Variants in TMEM38B observed in about 807,000 individuals in gnomAD.
TMEM38B encodes trimeric intracellular cation channel type B.
In TMEM38B, 24 loss-of-function variants were observed where a neutral mutation model predicts 28.7. The observed-to-expected ratio is 0.84, with a 90% CI of 0.61 to 1.18. TMEM38B has a LOEUF of 1.18. TMEM38B is among the 50% of genes most tolerant of loss of function. The pLI, the probability that TMEM38B is intolerant of heterozygous loss-of-function variation, is 0.00. For missense variants in TMEM38B, 380 were observed against 350.9 expected (o/e 1.08, Z -0.66); for synonymous variants, 131 against 127.7 (o/e 1.03, Z -0.17).
intron 4 of TMEM38B, among the ~76,000 whole-genome samples, chr9:105,727,664 C>T (rs1451895992): frequency 6.6e-6 from 1 of 152,118 alleles, no homozygotes; most frequent in Non-Finnish European, 1.5e-5. Flanking sequence ...GATGCTCAAC[C>T]TGTATATATC....
intron 4 of TMEM38B, among the ~76,000 whole-genome samples, chr9:105,747,595 T>TA (rs1409992552): frequency 6.6e-6 from 1 of 152,200 alleles, no homozygotes; most frequent in Non-Finnish European, 1.5e-5. Context: ...GCTTTGATCT[T>TA]AGTTATTTCT....
intron 1 of TMEM38B, among the ~76,000 whole-genome samples, chr9:105,703,617 C>T (rs957184470): frequency 2.6e-5 from 4 of 152,080 alleles, no homozygotes; most frequent in Non-Finnish European, 5.9e-5. Flanking sequence ...CCTGAGTAAT[C>T]GCCACACTGA....
intron 2 of TMEM38B, among the ~76,000 whole-genome samples, chr9:105,717,556 A>G (rs1192326554): frequency 6.6e-6 from 1 of 152,214 alleles, no homozygotes; most frequent in Non-Finnish European, 1.5e-5. Context: ...CACAATAAGA[A>G]TAAATCTCAG....
chr9:105,696,409 C>T (rs1835290647), intron 1 of TMEM38B, among the ~76,000 whole-genome samples: 1 of 152,146 alleles, frequency 6.6e-6, no homozygotes, highest in Non-Finnish European at 1.5e-5. Flanking sequence ...CTGCCTCAGC[C>T]TCCGGAGTAG....
intron 5 of TMEM38B, among the ~76,000 whole-genome samples, chr9:105,769,437 T>A (rs980323479): frequency 1.3e-5 from 2 of 152,194 alleles, no homozygotes; most frequent in African/African-American, 4.8e-5. Flanking sequence ...CACCTCAGCC[T>A]CCTGAGTAGT....
intron 4 of TMEM38B, 33 bp downstream of exon 4, chr9:105,722,654 T>C: frequency 1.3e-6 from 2 of 1,549,340 alleles, no homozygotes; most frequent in Non-Finnish European, 1.8e-6. Flanking sequence ...GAGACCTAGA[T>C]GTTTATCCTT....
chr9:105,695,922 AAG>A (rs1392528997), intron 1 of TMEM38B, among the ~76,000 whole-genome samples: 1 of 152,226 alleles, frequency 6.6e-6, no homozygotes, highest in Non-Finnish European at 1.5e-5. Flanking sequence ...GATTTGAAAA[AAG>A]TAAGTTTTGT....
intron 4 of TMEM38B, among the ~76,000 whole-genome samples, chr9:105,737,915 G>A (rs1247437728): frequency 1.3e-5 from 2 of 152,168 alleles, no homozygotes; most frequent in Non-Finnish European, 2.9e-5. Flanking sequence ...GGGATGCAGG[G>A]GATGGAGTGG....
At chr9:105,703,909 T>A (rs1195718135) in intron 1 of TMEM38B, among the ~76,000 whole-genome samples, 1 of 152,198 alleles carries the variant, frequency 6.6e-6, no homozygotes, top group Non-Finnish European at 1.5e-5. Context: ...GTTTTTTTCT[T>A]GTAAATTTGT....
intron 5 of TMEM38B, among the ~76,000 whole-genome samples, chr9:105,773,217 T>C (rs1224596379): frequency 1.3e-5 from 2 of 152,168 alleles, no homozygotes; most frequent in Non-Finnish European, 2.9e-5. Flanking sequence ...CATAAAGGAA[T>C]AGGAGCACTC....
At chr9:105,741,426 T>A (rs548411720) in intron 4 of TMEM38B, among the ~76,000 whole-genome samples, 1 of 152,316 alleles carries the variant, frequency 6.6e-6, no homozygotes, top group East Asian at 1.9e-4. Flanking sequence ...GTGAGGAGCA[T>A]ATTAGAGCCT....
chr9:105,731,313 A>G (rs1203190319), intron 4 of TMEM38B, among the ~76,000 whole-genome samples: 2 of 150,818 alleles, frequency 1.3e-5, no homozygotes, highest in Admixed American at 6.6e-5. Context: ...TATTATTATT[A>G]TTATTATTAT....
At chr9:105,742,488 C>T (rs562363117) in intron 4 of TMEM38B, among the ~76,000 whole-genome samples, 1 of 152,306 alleles carries the variant, frequency 6.6e-6, no homozygotes, top group East Asian at 1.9e-4. Flanking sequence ...CTTATTTCAC[C>T]ATTGCATTTT....
rs1253790485 is a variant in TMEM38B, at chr9:105,776,609, G to A, written c.*2529G>A. 6.6e-6 allele frequency: 1 copy of A among 152,098 alleles called. No homozygotes were observed. The highest frequency in any genetic ancestry group is 2.4e-5 in the African/African-American group (1 of 41,412). 9.4% of individuals were successfully genotyped at this position (152,098 alleles called of 1,614,324 possible). A position where few individuals can be genotyped will look rare whatever the true frequency, so the allele number is the denominator to read the frequency against. The stretch of plus-strand genomic sequence containing the variant: ...TTCCCCCAATAAAGCCCTTTATAGT[G>A]TTTGCCCCAGGTGTAATTCACATCC... On this transcript the variant is annotated 3_prime_UTR_variant, in exon 6 of 6. Coordinates refer to ENST00000374692, the MANE Select transcript of TMEM38B (RefSeq NM_018112.3).
At chr9:105,739,905 CAG>C (rs970745441) in intron 4 of TMEM38B, among the ~76,000 whole-genome samples, 1 of 151,510 alleles carries the variant, frequency 6.6e-6, no homozygotes, top group Admixed American at 6.6e-5. Context: ...TTGTTTGAGA[CAG>C]AGTCTTGCTC....
chr9:105,709,896 A>G (rs1391368170), intron 2 of TMEM38B, among the ~76,000 whole-genome samples: 2 of 152,234 alleles, frequency 1.3e-5, no homozygotes, highest in African/African-American at 4.8e-5. Flanking sequence ...AGGCAGACCA[A>G]CAGAGGCACT....
Position 105,705,597 on chromosome 9 carries a change from G to T in TMEM38B, c.113G>T (p.Gly38Val). The T allele has an allele frequency of 6.2e-7, 1 of 1,611,690 alleles. No individual in the cohort carries two copies. The highest frequency in any genetic ancestry group is 8.5e-7 in the Non-Finnish European group (1 of 1,178,756). The change falls in exon 2 of 6, where the codon GGA becomes GTA. Residue 38 changes from glycine to valine, a missense_variant and splice_region_variant. Coordinates refer to ENST00000374692, the MANE Select transcript of TMEM38B (RefSeq NM_018112.3). ...VSVMAVKRQP[G>V]AAALAWKNPI... Reference sequence around the variant, plus strand: ...ACCATATTTTACTTTACCATTTCAGGAGCAGCTGCATTGGCATGGAAGAAT... The same window carrying T: ...ACCATATTTTACTTTACCATTTCAGTAGCAGCTGCATTGGCATGGAAGAAT...
At chr9:105,699,092 C>T (rs1835376953) in intron 1 of TMEM38B, among the ~76,000 whole-genome samples, 1 of 152,042 alleles carries the variant, frequency 6.6e-6, no homozygotes, top group Middle Eastern at 3.4e-3. Flanking sequence ...TTTTACACTC[C>T]ATATATGTCT....
chr9:105,704,061 A>T lies in TMEM38B; in HGVS notation c.113-1536A>T, dbSNP rs1835554501. The stretch of plus-strand genomic sequence containing the variant: ...ATCACATGGACACAGAAAGGGGAAT[A>T]TCACACTCTGGGGACTGTTGTGGGG... On this transcript the variant is annotated intron_variant, in intron 1 of 5. Transcript: ENST00000374692. Among the ~76,000 whole-genome samples the T allele has an allele frequency of 2.3e-5, 3 of 130,338 alleles. No individual in the cohort carries two copies. The South Asian group carries it at 8.2e-4, about 36-fold the overall frequency. 85.5% of individuals were successfully genotyped at this position (130,338 alleles called of 152,430 possible). A position where few individuals can be genotyped will look rare whatever the true frequency, so the allele number is the denominator to read the frequency against.
Sources: gnomAD v4.1 joint callset for allele counts (sites outside exome capture counted in the v4.1 genomes callset) on GRCh38, gnomAD v4.1.1 for gene constraint, MANE v1.5 for transcripts, NCBI Gene and HGNC (gene_info 2026-07-23, HGNC 2026-07-21) for gene names.